The following SORCS3 variants were observed in gnomAD, a reference collection of about 807,000 sequenced individuals.
The protein encoded by SORCS3 is sortilin related VPS10 domain containing receptor 3.
SORCS3 carries 57 observed loss-of-function variants against 146.3 expected under a neutral mutation model. That is an observed-to-expected ratio of 0.39 (90% CI 0.31 to 0.49). SORCS3 has a LOEUF of 0.49. Among genes scored for constraint, SORCS3 ranks in the 20% least tolerant of loss-of-function variants. The pLI is 0.92. For synonymous variants in SORCS3, 653 were observed against 618.5 expected (o/e 1.06, Z -0.83); for missense variants, 1,341 against 1,575.5 (o/e 0.85, Z 2.52).
chr10:104,798,197 A>C (rs150680675), intron 1 of SORCS3, among the ~76,000 whole-genome samples: 27 of 152,156 alleles, frequency 1.8e-4, no homozygotes, highest in African/African-American at 6.5e-4. Context: ...TGGGAGCTCT[A>C]AGGTACAGCT....
intron 22 of SORCS3, among the ~76,000 whole-genome samples, chr10:105,248,810 T>A (rs1213654367): frequency 2.0e-5 from 3 of 152,056 alleles, no homozygotes; most frequent in Non-Finnish European, 4.4e-5. Flanking sequence ...CAGCTAAAAT[T>A]GAGCTAGGAT....
chr10:104,940,466 C>T (rs951781588), intron 3 of SORCS3, among the ~76,000 whole-genome samples: 1 of 137,696 alleles, frequency 7.3e-6, no homozygotes, highest in African/African-American at 2.6e-5. Context: ...TTGTTCAATT[C>T]CCACCTATGA....
chr10:105,261,105 C>T (rs971149661), intron 25 of SORCS3, among the ~76,000 whole-genome samples: 1 of 152,098 alleles, frequency 6.6e-6, no homozygotes, highest in African/African-American at 2.4e-5. Context: ...TAGACCTTGC[C>T]TACATGGGGC....
intron 7 of SORCS3, among the ~76,000 whole-genome samples, chr10:105,113,717 G>C (rs1275539980): frequency 6.6e-6 from 1 of 152,158 alleles, no homozygotes; most frequent in Non-Finnish European, 1.5e-5. Flanking sequence ...ATCTCCTGCT[G>C]TTGGACAAGC....
At chr10:105,061,462 T>G (rs528854985) in intron 5 of SORCS3, among the ~76,000 whole-genome samples, 1 of 151,936 alleles carries the variant, frequency 6.6e-6, no homozygotes, top group Admixed American at 6.5e-5. Flanking sequence ...ACCTGGCTAA[T>G]TTTTTGTATT....
intron 1 of SORCS3, among the ~76,000 whole-genome samples, chr10:104,699,851 G>A (rs1352788858): frequency 6.6e-6 from 1 of 152,136 alleles, no homozygotes; most frequent in African/African-American, 2.4e-5. Context: ...CTAAAAGATG[G>A]ATGATTTGCT....
intron 1 of SORCS3, among the ~76,000 whole-genome samples, chr10:104,684,063 G>A (rs989848648): frequency 2.6e-5 from 4 of 152,180 alleles, no homozygotes; most frequent in African/African-American, 9.7e-5. Flanking sequence ...CACAGTTACT[G>A]TATCTTGAAG....
At chr10:104,711,846 T>C (rs2016419773) in intron 1 of SORCS3, among the ~76,000 whole-genome samples, 1 of 152,160 alleles carries the variant, frequency 6.6e-6, no homozygotes, top group East Asian at 1.9e-4. Flanking sequence ...GGTGTTGTCC[T>C]GTGAGTTCTG....
chr10:104,966,583 A>C (rs1260395261), intron 3 of SORCS3, among the ~76,000 whole-genome samples: 2 of 152,136 alleles, frequency 1.3e-5, no homozygotes, highest in Admixed American at 1.3e-4. Context: ...GACTTTCTGG[A>C]TCTCTGGCAG....
chr10:104,794,107 G>C (rs1337460694), intron 1 of SORCS3, among the ~76,000 whole-genome samples: 1 of 152,084 alleles, frequency 6.6e-6, no homozygotes. Context: ...TGTTGTCTTT[G>C]GTGGCTTCCT....
At chr10:104,880,464 G>A (rs2018619580) in intron 2 of SORCS3, among the ~76,000 whole-genome samples, 1 of 152,112 alleles carries the variant, frequency 6.6e-6, no homozygotes, top group Non-Finnish European at 1.5e-5. Context: ...GCATGATTGA[G>A]TTTATCACTG....
chr10:104,954,041 G>C (rs1476220613), intron 3 of SORCS3, among the ~76,000 whole-genome samples: 1 of 152,148 alleles, frequency 6.6e-6, no homozygotes, highest in Non-Finnish European at 1.5e-5. Flanking sequence ...GGAAGTTCAA[G>C]GTTGTCCTAA....
intron 2 of SORCS3, among the ~76,000 whole-genome samples, chr10:104,909,003 G>T (rs547137664): frequency 1.3e-5 from 2 of 152,298 alleles, no homozygotes. Context: ...AGTTGTCTTA[G>T]AGACAAAAGC....
intron 8 of SORCS3, among the ~76,000 whole-genome samples, chr10:105,144,101 A>T (rs951308273): frequency 7.2e-5 from 11 of 152,122 alleles, no homozygotes; most frequent in African/African-American, 2.4e-4. Context: ...ATTTTGTGCT[A>T]TTCTTTGGGC....
intron 1 of SORCS3, among the ~76,000 whole-genome samples, chr10:104,756,883 G>A (rs141221757): frequency 1.1e-3 from 164 of 152,184 alleles, no homozygotes; most frequent in Admixed American, 2.1e-3. Context: ...AGTGATTTCT[G>A]GGACTGAATA....
chr10:104,698,951 G>C (rs2016248772), intron 1 of SORCS3, among the ~76,000 whole-genome samples: 1 of 152,116 alleles, frequency 6.6e-6, no homozygotes, highest in Non-Finnish European at 1.5e-5. Context: ...TTTGGATGAA[G>C]GGAATGGGAA....
intron 8 of SORCS3, among the ~76,000 whole-genome samples, chr10:105,143,393 C>T (rs1032786085): frequency 6.6e-6 from 1 of 152,092 alleles, no homozygotes; most frequent in Non-Finnish European, 1.5e-5. Context: ...ATCTACAACC[C>T]CAGCCCATAT....
intron 4 of SORCS3, among the ~76,000 whole-genome samples, chr10:105,018,014 T>A (rs948657377): frequency 6.6e-6 from 1 of 152,154 alleles, no homozygotes; most frequent in African/African-American, 2.4e-5. Context: ...TAAGGAATGG[T>A]AGTTGAAAAT....
At chr10:104,999,880 TCATATGGC>T (rs2055050459) in intron 4 of SORCS3, among the ~76,000 whole-genome samples, 2 of 152,304 alleles carry the variant, frequency 1.3e-5, no homozygotes, top group African/African-American at 4.8e-5. Context: ...CCAGGGGTTT[TCATATGGC>T]CACCTTCTTG....
Sources: allele counts gnomAD v4.1 joint callset (sites outside exome capture counted in the v4.1 genomes callset), GRCh38; gene constraint gnomAD v4.1.1; transcripts MANE v1.5; gene names NCBI Gene and HGNC (gene_info 2026-07-23, HGNC 2026-07-21).